Variants in RTBDN observed in about 807,000 individuals in gnomAD.
RTBDN encodes the protein retbindin.
In RTBDN, 24 loss-of-function variants were observed where a neutral mutation model predicts 21.9. The observed-to-expected ratio is 1.10, with a 90% CI of 0.79 to 1.54. The LOEUF (loss-of-function observed/expected upper bound fraction) is 1.54, where lower values mean the gene tolerates loss of function less well. Ranked by LOEUF, RTBDN falls within the 40% of genes most tolerant of loss-of-function variation. The pLI, the probability that RTBDN is intolerant of heterozygous loss-of-function variation, is 0.00. For missense variants in RTBDN, 325 were observed against 315.2 expected (o/e 1.03, Z -0.23); for synonymous variants, 141 against 125.9 (o/e 1.12, Z -0.80).
chr19:12,828,522 C>T (rs1969413303), intron 4 of RTBDN, 135 bp downstream of exon 4: 2 of 640,988 alleles, frequency 3.1e-6, no homozygotes, highest in Non-Finnish European at 5.3e-6. Context: ...GGGCTCTAAA[C>T]ATTAAGCTGC....
In RTBDN at chr19:12,834,431, C is replaced by T; in HGVS notation, c.-19+58G>A. The T allele has an allele frequency of 7.3e-7, 1 of 1,362,274 alleles. No individual in the cohort carries two copies. Among genetic ancestry groups the T allele is most frequent in the Non-Finnish European group, 1.0e-6 (1 of 991,982 alleles). The allele number at this position is 1,362,274 out of a possible 1,614,324, so 84.4% of individuals were successfully genotyped here. On this transcript the variant is annotated intron_variant, in intron 1 of 5. Coordinates refer to ENST00000674343, the MANE Select transcript of RTBDN (RefSeq NM_001270441.2). This position sits in a 1 kb window ranked among gnomAD's most constrained non-coding sequence, Gnocchi z 4.7. ...AACATGTTTGTGCGGCAACCTCGCC[C>T]CTCACCACCCCAGGAGCCCCCTCCC... is the stretch of plus-strand genomic sequence containing the variant.
Position 12,830,863 on chromosome 19 carries a change from A to C in RTBDN, c.-18-866T>G, listed in dbSNP as rs867736827. On this transcript the variant is annotated intron_variant, in intron 1 of 5. Coordinates refer to ENST00000674343, the MANE Select transcript of RTBDN (RefSeq NM_001270441.2). This position sits in a 1 kb window ranked among gnomAD's most constrained non-coding sequence, Gnocchi z 4.2. ...AGTGTGTGTGTGTGTGTGTGTGTGT[A>C]TGTGTGTGAGGAAGGTGTGTTTGTG... Among the ~76,000 whole-genome samples, 1 of 124,060 alleles carries C rather than the reference A, an allele frequency of 8.1e-6. No individual in the cohort carries two copies. The highest frequency in any genetic ancestry group is 1.7e-5 in the Non-Finnish European group (1 of 57,584). The allele number at this position is 124,060 out of a possible 152,430, so 81.4% of individuals were successfully genotyped here.
intron 1 of RTBDN, among the ~76,000 whole-genome samples, chr19:12,831,281 A>T (rs1421072387): frequency 6.6e-6 from 1 of 152,172 alleles, no homozygotes; most frequent in African/African-American, 2.4e-5. Context: ...TGCACACATT[A>T]TGTGTCCTTC....
chr19:12,829,990 G>C lies in RTBDN; in HGVS notation c.-11C>G, dbSNP rs757518687. ...GACCCTGCAGTCCATGTCCACCTGA[G>C]ATAAGAGCTGGCAGGCATAGGGTGG... is the stretch of plus-strand genomic sequence containing the variant. On this transcript the variant is annotated 5_prime_UTR_variant, in exon 2 of 6. It adds an upstream start codon to the 5' untranslated region. Transcript: ENST00000674343. The C allele has an allele frequency of 3.1e-5, 49 of 1,603,432 alleles. No individual in the cohort carries two copies. Among genetic ancestry groups the C allele is most frequent in the Non-Finnish European group, 4.1e-5 (48 of 1,171,308 alleles).
rs200846088 is a variant in RTBDN at position 12,829,942 on chromosome 19, G to A, written c.38C>T (p.Thr13Met). Residue 13 changes from threonine (T) to methionine (M), a missense_variant, in exon 2 of 6, where the codon ACG becomes ATG. By Grantham distance (81) the Thr-to-Met change is moderately conservative. Coordinates refer to ENST00000674343, the MANE Select transcript of RTBDN (RefSeq NM_001270441.2). Reference protein sequence around the residue: ...CRVHMRPIGLTWVLQLTLAWI... With the variant: ...CRVHMRPIGLMWVLQLTLAWI... Reference sequence around the variant, plus strand: ...TGCCAAGGTCAGTTGCAGCACCCACGTCAGGCCGATGGGTCGCATGTGGAC... The same window carrying A: ...TGCCAAGGTCAGTTGCAGCACCCACATCAGGCCGATGGGTCGCATGTGGAC... 5.6e-6 allele frequency: 9 copies of A among 1,614,100 alleles called. No homozygotes were observed. The highest frequency in any genetic ancestry group is 7.6e-6 in the Non-Finnish European group (9 of 1,179,952).
At chr19:12,829,774 T>G (rs1969486813) in intron 2 of RTBDN, 37 bp downstream of exon 2, 12 of 1,581,160 alleles carry the variant, frequency 7.6e-6, no homozygotes, top group Non-Finnish European at 1.0e-5. Flanking sequence ...TGTGGGTTTC[T>G]GGGTGTTGGT....
At chr19:12,831,069 A>G (rs1421766959) in intron 1 of RTBDN, among the ~76,000 whole-genome samples, 1 of 147,892 alleles carries the variant, frequency 6.8e-6, no homozygotes, top group Non-Finnish European at 1.5e-5. Flanking sequence ...TACGTTCAGA[A>G]TCTGGGGGAG....
In RTBDN at chr19:12,826,566, C is replaced by T. The variant is rs552375525; in HGVS notation, c.462+209G>A. 4.6e-4 allele frequency: 325 copies of T among 700,030 alleles called. 1 individual carries two copies. The highest frequency in any genetic ancestry group is 6.0e-4 in the Non-Finnish European group (265 of 445,110). 43.4% of individuals were successfully genotyped at this position (700,030 alleles called of 1,614,324 possible). A position where few individuals can be genotyped will look rare whatever the true frequency, so the allele number is the denominator to read the frequency against. ...AAAATTAGCTGGGCATGGTGGCATG[C>T]GCCTGAAATCCCAGCTATTCGGGAG... On this transcript the variant is annotated intron_variant, in intron 5 of 5. Transcript: ENST00000674343.
In RTBDN at chr19:12,825,797, T is replaced by G; in HGVS notation, c.599A>C (p.Glu200Ala). 1 of 1,611,384 alleles carries G rather than the reference T, an allele frequency of 6.2e-7. No individual in the cohort carries two copies. The highest frequency in any genetic ancestry group is 8.5e-7 in the Non-Finnish European group (1 of 1,178,388). The change falls in exon 6 of 6, where the codon GAA becomes GCA. Residue 200 changes from glutamate (E) to alanine (A), a missense_variant. Coordinates refer to ENST00000674343, the MANE Select transcript of RTBDN (RefSeq NM_001270441.2). ...PRPRPGRRGR[E>A]APSRRSRSPR... is the part of the protein sequence containing the mutation. ...GCTGCGGGAACGCCGGGAGGGAGCT[T>G]CCCGGCCCCGTCGTCCTGGTCTGGG... is the stretch of plus-strand genomic sequence containing the variant.
intron 5 of RTBDN, 83 bp downstream of exon 5, chr19:12,826,692 C>T: frequency 2.9e-6 from 3 of 1,022,078 alleles, no homozygotes; most frequent in African/African-American, 1.6e-5. Context: ...GAAACTCCGT[C>T]TCAGAAATAA....
Position 12,830,940 on chromosome 19 carries a change from G to A in RTBDN, c.-18-943C>T, listed in dbSNP as rs1969548925. 1.3e-5 allele frequency among the ~76,000 whole-genome samples: 2 copies of A among 148,248 alleles called. No individual in the cohort carries two copies. Among genetic ancestry groups the A allele is most frequent in the South Asian group, 4.3e-4 (2 of 4,668 alleles). ...GGCACCTGTGTCTTTTGTTTGTGTG[G>A]CTGTGTGTGTGTTGAGCATGTATGT... On this transcript the variant is annotated intron_variant, in intron 1 of 5. Transcript: ENST00000674343. This position sits in a 1 kb window ranked among gnomAD's most constrained non-coding sequence, Gnocchi z 4.2.
intron 5 of RTBDN, 74 bp from the exon 6 acceptor site, chr19:12,826,007 A>G (rs1969281354): frequency 6.9e-7 from 1 of 1,456,944 alleles, no homozygotes; most frequent in Non-Finnish European, 9.1e-7. Context: ...GGGAAGGGAA[A>G]AATGTGTAAA....
intron 2 of RTBDN, 122 bp from the exon 3 acceptor site, chr19:12,829,075 C>T: frequency 6.9e-7 from 1 of 1,457,160 alleles, no homozygotes; most frequent in Non-Finnish European, 9.1e-7. Flanking sequence ...AAACCCATAA[C>T]TTAAGACCCT....
chr19:12,829,328 A>G (rs1407699660), intron 2 of RTBDN, among the ~76,000 whole-genome samples: 2 of 151,990 alleles, frequency 1.3e-5, no homozygotes, highest in Admixed American at 1.3e-4. Context: ...AAGCCTCCCA[A>G]GTAGCTGGGA....
intron 4 of RTBDN, 39 bp downstream of exon 4, chr19:12,828,618 C>G: frequency 6.6e-7 from 1 of 1,520,404 alleles, no homozygotes; most frequent in Non-Finnish European, 9.0e-7. Context: ...CTTCCCCGCC[C>G]AAGTCACAAC....
rs7246112 is a variant in RTBDN, at chr19:12,829,923, G to C, written c.57C>G (p.Thr19=). The change falls in exon 2 of 6, where the codon ACC becomes ACG. Residue 19 remains threonine, a synonymous_variant. Coordinates refer to ENST00000674343, the MANE Select transcript of RTBDN (RefSeq NM_001270441.2). ...PIGLTWVLQL[T]LAWILLEACG... is the part of the protein sequence containing the mutation. ...AGGCTTCTAGCAGGATCCATGCCAAGGTCAGTTGCAGCACCCACGTCAGGC... is the reference window on the plus strand; with the variant it reads ...AGGCTTCTAGCAGGATCCATGCCAACGTCAGTTGCAGCACCCACGTCAGGC... 7 of 1,614,170 alleles carry C rather than the reference G, an allele frequency of 4.3e-6. No individual in the cohort carries two copies. Among genetic ancestry groups the C allele is most frequent in the Middle Eastern group, 1.6e-4 (1 of 6,062 alleles).
intron 3 of RTBDN, 44 bp from the exon 4 acceptor site, chr19:12,828,811 G>A: frequency 1.9e-6 from 3 of 1,613,506 alleles, no homozygotes; most frequent in Non-Finnish European, 2.5e-6. Flanking sequence ...AGGACCCGAG[G>A]GAGTTCCTGG....
chr19:12,826,248 G>A, intron 5 of RTBDN: 1 of 1,285,574 alleles, frequency 7.8e-7, no homozygotes, highest in Non-Finnish European at 9.9e-7. Context: ...TGGACCCAGA[G>A]CAGGAATGGT....
At chr19:12,827,363 CCCA>C (rs1969352151) in intron 4 of RTBDN, among the ~76,000 whole-genome samples, 1 of 143,148 alleles carries the variant, frequency 7.0e-6, no homozygotes, top group Non-Finnish European at 1.5e-5. Flanking sequence ...TGCTCTGTTA[CCCA>C]GGCTGGAGTG....
Sources: allele counts gnomAD v4.1 joint callset (sites outside exome capture counted in the v4.1 genomes callset), GRCh38; gene constraint gnomAD v4.1.1; non-coding constraint Gnocchi (gnomAD v3.1); transcripts MANE v1.5; gene names NCBI Gene and HGNC (gene_info 2026-07-23, HGNC 2026-07-21).